MINDY4B: variants seen among roughly 807,000 people sequenced by gnomAD.
MINDY4B encodes the protein inactive ubiquitin carboxyl-terminal hydrolase MINDY-4B.
In MINDY4B, 25 loss-of-function variants were observed where a neutral mutation model predicts 16.7. The observed-to-expected ratio is 1.49, with a 90% confidence interval of 1.09 to 2.09. The LOEUF (loss-of-function observed/expected upper bound fraction) is 2.09. Among genes scored for constraint, MINDY4B ranks in the 30% most tolerant of loss-of-function variants. MINDY4B has a pLI of 0.00. For synonymous variants in MINDY4B, 132 were observed against 61.9 expected (o/e 2.13, Z -5.32); for missense variants, 327 against 168.4 (o/e 1.94, Z -5.21).
chr3:150,897,963 C>A (rs777831246), intron 3 of MINDY4B, among the ~76,000 whole-genome samples: 1 of 152,180 alleles, frequency 6.6e-6, no homozygotes, highest in East Asian at 1.9e-4. Context: ...AAGACTGCTC[C>A]CAACTCAAGG....
chr3:150,874,280 A>G (rs1381836709), intron 10 of MINDY4B, among the ~76,000 whole-genome samples: 1 of 151,912 alleles, frequency 6.6e-6, no homozygotes, highest in Admixed American at 6.6e-5. Flanking sequence ...CCTCCCAACT[A>G]TTGGAATTAC....
rs1317204644 is a variant in MINDY4B at position 150,870,751 on chromosome 3, G to T, written c.*294C>A. Reference sequence around the variant, plus strand: ...AGAAAAGACAACTTTGGAAAAACATGCAAGAGAGAGGCTTCATTTTCTCTT... The same window carrying T: ...AGAAAAGACAACTTTGGAAAAACATTCAAGAGAGAGGCTTCATTTTCTCTT... On this transcript the variant is annotated 3_prime_UTR_variant, in exon 12 of 12. Transcript: ENST00000465419. Among the ~76,000 whole-genome samples, 3 of 152,156 alleles carry T rather than the reference G, an allele frequency of 2.0e-5. No individual in the cohort carries two copies. The highest frequency in any genetic ancestry group is 7.2e-5 in the African/African-American group (3 of 41,432).
intron 8 of MINDY4B, among the ~76,000 whole-genome samples, chr3:150,884,555 A>G (rs762471767): frequency 5.9e-5 from 9 of 152,192 alleles, no homozygotes; most frequent in Non-Finnish European, 1.3e-4. Flanking sequence ...ACATGACTTA[A>G]AGGACATTAA....
Position 150,894,234 on chromosome 3 carries a change from C to A in MINDY4B, c.381G>T (p.Arg127Ser). Residue 127 changes from arginine (R) to serine (S), a missense_variant, in exon 4 of 12, where the codon AGG (arginine) becomes AGT (serine). Physicochemically the swap from Arg to Ser is moderately radical, Grantham distance 110. Transcript: ENST00000465419. ...FSYNWKKAYFRFHDPSSELAF... is the reference protein window; with the variant it reads ...FSYNWKKAYFSFHDPSSELAF... Reference sequence around the variant, plus strand: ...CTAGTTCAGAAGAAGGATCATGGAACCTGAAATAGGCCTTTTTCCAGTTAT... The same window carrying A: ...CTAGTTCAGAAGAAGGATCATGGAAACTGAAATAGGCCTTTTTCCAGTTAT... The A allele has an allele frequency of 1.4e-6, 1 of 702,100 alleles. No individual in the cohort carries two copies. Among genetic ancestry groups the A allele is most frequent in the Non-Finnish European group, 2.6e-6 (1 of 384,642 alleles). The allele number at this position is 702,100 out of a possible 1,614,324, so 43.5% of individuals were successfully genotyped here.
intron 11 of MINDY4B, 64 bp from the exon 12 acceptor site, chr3:150,871,251 AAAG>A (rs1716959013): frequency 1.5e-6 from 1 of 674,480 alleles, no homozygotes; most frequent in Non-Finnish European, 2.7e-6. Context: ...GGAAACCACT[AAAG>A]AAGGACAGAA....
chr3:150,894,082 A>G, intron 4 of MINDY4B, 104 bp downstream of exon 4: 1 of 541,664 alleles, frequency 1.8e-6, no homozygotes, highest in South Asian at 2.8e-5. Flanking sequence ...ATTTCTACAC[A>G]TGATTATAAT....
intron 10 of MINDY4B, among the ~76,000 whole-genome samples, chr3:150,877,258 ATTAGG>A (rs1390626227): frequency 6.6e-6 from 1 of 152,158 alleles, no homozygotes; most frequent in Admixed American, 6.5e-5. Context: ...TCTTTCTTAT[ATTAGG>A]TTTTTATCAT....
At chr3:150,891,698 G>A (rs559406337) in intron 5 of MINDY4B, among the ~76,000 whole-genome samples, 10 of 147,496 alleles carry the variant, frequency 6.8e-5, no homozygotes, top group East Asian at 4.0e-4. Flanking sequence ...GGAGTCAGAG[G>A]TTGCAGTGAG....
At chr3:150,893,699 G>GC (rs1295462686) in intron 4 of MINDY4B, among the ~76,000 whole-genome samples, 6 of 72,438 alleles carry the variant, frequency 8.3e-5, no homozygotes, top group South Asian at 9.7e-4. Flanking sequence ...TTTTTTTTGG[G>GC]GGGGGGGGTG....
At position 150,888,340 on chromosome 3, in the gene MINDY4B, A is replaced by C. The variant is rs73153806; in HGVS notation, c.753+1980T>G. Reference sequence around the variant, plus strand: ...ACCTAACTGAGTCTGGCCTCATCTCAACTTGATTACATCTAAAAGACTTTA... The same window carrying C: ...ACCTAACTGAGTCTGGCCTCATCTCCACTTGATTACATCTAAAAGACTTTA... On this transcript the variant is annotated intron_variant, in intron 7 of 11. Transcript: ENST00000465419. Among the ~76,000 whole-genome samples the C allele has an allele frequency of 8.7e-3, 1,328 of 152,254 alleles. 7 individuals are homozygous for C. Among genetic ancestry groups the C allele is most frequent in the Non-Finnish European group, 0.013 (869 of 68,008 alleles).
intron 3 of MINDY4B, among the ~76,000 whole-genome samples, chr3:150,900,811 A>G (rs1576616147): frequency 6.6e-6 from 1 of 152,236 alleles, no homozygotes; most frequent in East Asian, 1.9e-4. Context: ...AAGTGGGAAT[A>G]TTCAGACTCA....
chr3:150,888,148 C>T (rs943945168), intron 7 of MINDY4B, among the ~76,000 whole-genome samples: 4 of 152,124 alleles, frequency 2.6e-5, no homozygotes, highest in African/African-American at 7.2e-5. Flanking sequence ...TGAAGGCCCT[C>T]GGGGAGAATC....
At chr3:150,901,961 G>C (rs1417561362) in intron 3 of MINDY4B, among the ~76,000 whole-genome samples, 1 of 152,030 alleles carries the variant, frequency 6.6e-6, no homozygotes, top group Non-Finnish European at 1.5e-5. Flanking sequence ...GGGCTGTGTG[G>C]TCCCTGCATC....
rs944666570 is a variant in MINDY4B, at chr3:150,871,157, T to C, written c.1271A>G (p.Gln424Arg). The C allele has an allele frequency of 1.3e-5, 9 of 702,700 alleles. No homozygotes were observed. Among genetic ancestry groups the C allele is most frequent in the East Asian group, 2.7e-5 (1 of 37,298 alleles). 43.5% of individuals were successfully genotyped at this position (702,700 alleles called of 1,614,324 possible). A position where few individuals can be genotyped will look rare whatever the true frequency, so the allele number is the denominator to read the frequency against. ...DTHSHHWERD[Q>R]QEEKHGPRRR... ...TCTTGGTCCATGTTTCTCTTCCTGTTGGTCTCTTTCCCAGTGATGGGAGTG... is the reference window on the plus strand; with the variant it reads ...TCTTGGTCCATGTTTCTCTTCCTGTCGGTCTCTTTCCCAGTGATGGGAGTG... Residue 424 changes from glutamine to arginine, a missense_variant, in exon 12 of 12, where the codon CAA (glutamine) becomes CGA (arginine). By Grantham distance (43) the Gln-to-Arg change is conservative (BLOSUM62 1). Coordinates refer to ENST00000465419, the MANE Select transcript of MINDY4B (RefSeq NM_001351281.2).
chr3:150,876,145 C>T (rs1381412083), intron 10 of MINDY4B, among the ~76,000 whole-genome samples: 7 of 152,172 alleles, frequency 4.6e-5, no homozygotes, highest in African/African-American at 1.7e-4. Context: ...ATACCTTTCT[C>T]CTTAAGTTCA....
intron 3 of MINDY4B, among the ~76,000 whole-genome samples, chr3:150,895,451 C>T (rs1041312568): frequency 4.6e-5 from 7 of 151,726 alleles, no homozygotes; most frequent in Admixed American, 2.6e-4. Flanking sequence ...GTGCTTTGGT[C>T]TCACAGCTCT....
chr3:150,901,850 G>C (rs1363865198), intron 3 of MINDY4B, among the ~76,000 whole-genome samples: 4 of 152,132 alleles, frequency 2.6e-5, no homozygotes, highest in Non-Finnish European at 5.9e-5. Context: ...CAACGAGAAA[G>C]AGCAAGTGAG....
At chr3:150,896,633 T>C (rs969616965) in intron 3 of MINDY4B, among the ~76,000 whole-genome samples, 2 of 152,148 alleles carry the variant, frequency 1.3e-5, no homozygotes, top group Non-Finnish European at 2.9e-5. Flanking sequence ...AGAGCTGCAG[T>C]GATTGTTATC....
At chr3:150,891,173 A>G (rs1559967368) in intron 5 of MINDY4B, 70 bp from the exon 6 acceptor site, 1 of 661,254 alleles carries the variant, frequency 1.5e-6, no homozygotes, top group Non-Finnish European at 2.8e-6. Context: ...ATGGGAAGTA[A>G]TTTGCTCCTG....
Sources: allele counts gnomAD v4.1 joint callset (sites outside exome capture counted in the v4.1 genomes callset), GRCh38; gene constraint gnomAD v4.1.1; transcripts MANE v1.5; gene names NCBI Gene and HGNC (gene_info 2026-07-23, HGNC 2026-07-21).